Variants in IL1RAP observed in about 807,000 individuals in gnomAD.
The protein encoded by IL1RAP is interleukin 1 receptor accessory protein, also known as interleukin-1 receptor accessory protein.
Under a neutral mutation model 60.7 loss-of-function variants are expected in IL1RAP, and 35 were observed. The ratio of observed to expected loss-of-function variants is 0.58; its 90% CI spans 0.44 to 0.76. The LOEUF (loss-of-function observed/expected upper bound fraction) is 0.76, where lower values mean the gene tolerates loss of function less well. IL1RAP is among the 30% of genes least tolerant of loss of function. The pLI is 0.00. For missense variants in IL1RAP, 572 were observed against 693.9 expected, an observed-to-expected ratio of 0.82 and a Z score of 1.97; for synonymous variants, 268 against 250.9, an observed-to-expected ratio of 1.07 and a Z score of -0.64.
chr3:190,614,308 T>C (rs954523274), intron 5 of IL1RAP, among the ~76,000 whole-genome samples: 5 of 151,802 alleles, frequency 3.3e-5, no homozygotes, highest in Non-Finnish European at 5.9e-5. Flanking sequence ...TTTCCCGTTA[T>C]CTGAAAGATG....
chr3:190,599,899 A>G (rs1476132546), intron 3 of IL1RAP, among the ~76,000 whole-genome samples: 3 of 151,982 alleles, frequency 2.0e-5, no homozygotes, highest in Non-Finnish European at 4.4e-5. Context: ...TGTTCTCTGA[A>G]TATTGCTTGG....
chr3:190,559,798 C>G (rs1725731239), intron 2 of IL1RAP, among the ~76,000 whole-genome samples: 1 of 152,074 alleles, frequency 6.6e-6, no homozygotes, highest in East Asian at 1.9e-4. Context: ...TACGGTGTAT[C>G]TGGTGAATGT....
At chr3:190,613,700 G>T (rs969938137) in intron 5 of IL1RAP, among the ~76,000 whole-genome samples, 1 of 152,040 alleles carries the variant, frequency 6.6e-6, no homozygotes, top group African/African-American at 2.4e-5. Flanking sequence ...GGGCATGGTG[G>T]CGCACACCTG....
At chr3:190,534,805 C>T (rs1254341955) in intron 1 of IL1RAP, among the ~76,000 whole-genome samples, 1 of 151,870 alleles carries the variant, frequency 6.6e-6, no homozygotes, top group African/African-American at 2.4e-5. Flanking sequence ...ACCTCTCCTC[C>T]CTGGGCCTTT....
downstream of IL1RAP, among the ~76,000 whole-genome samples, chr3:190,654,764 T>C (rs1189499528): frequency 6.6e-6 from 1 of 152,244 alleles, no homozygotes; most frequent in East Asian, 1.9e-4. Flanking sequence ...CCTCACACGG[T>C]GACTCTGGCA....
intron 3 of IL1RAP, among the ~76,000 whole-genome samples, chr3:190,595,908 T>C (rs953370203): frequency 1.1e-4 from 16 of 152,244 alleles, no homozygotes; most frequent in Admixed American, 5.2e-4. Flanking sequence ...TTGTGAAGAT[T>C]GTTAATTTTC....
At chr3:190,630,085 A>T in intron 9 of IL1RAP, 2 of 772,380 alleles carry the variant, frequency 2.6e-6, no homozygotes, top group Non-Finnish European at 3.1e-6. Flanking sequence ...CCAAAAATGC[A>T]TAATTATAAT....
In IL1RAP at chr3:190,604,233, A is replaced by G. The variant is rs762750761; in HGVS notation, c.170A>G (p.Asn57Ser). ...CTCTTTGAACACTTCTTGAAATTCA[A>G]CTACAGCACAGCCCATTCAGCTGGC... is the stretch of plus-strand genomic sequence containing the variant. ...CPLFEHFLKF[N>S]YSTAHSAGLT... Residue 57 changes from asparagine to serine, a missense_variant, in exon 4 of 12, where the codon AAC becomes AGC. Asn to Ser is a conservative substitution (Grantham distance 46). Coordinates refer to ENST00000447382, the MANE Select transcript of IL1RAP (RefSeq NM_002182.4). 9.3e-6 allele frequency: 15 copies of G among 1,614,028 alleles called. No homozygotes were observed. Among genetic ancestry groups the G allele is most frequent in the East Asian group, 2.2e-5 (1 of 44,860 alleles).
At chr3:190,609,549 C>T (rs1378468764) in intron 5 of IL1RAP, among the ~76,000 whole-genome samples, 5 of 152,160 alleles carry the variant, frequency 3.3e-5, no homozygotes, top group Non-Finnish European at 2.9e-5. Flanking sequence ...ATCAGTACTG[C>T]ATTTTATTAT....
intron 1 of IL1RAP, among the ~76,000 whole-genome samples, chr3:190,527,826 T>TAC (rs10602405): frequency 0.081 from 11,240 of 139,520 alleles, 442 homozygotes; most frequent in African/African-American, 0.098. Flanking sequence ...AGGAAAGGTC[T>TAC]ACACACACAC....
intron 11 of IL1RAP, among the ~76,000 whole-genome samples, chr3:190,646,582 CAAAGT>C (rs1349083549): frequency 6.6e-6 from 1 of 152,130 alleles, no homozygotes; most frequent in African/African-American, 2.4e-5. Context: ...CAGTAACACA[CAAAGT>C]AATTTTTCAT....
At chr3:190,605,988 A>T (rs1311545187) in intron 4 of IL1RAP, among the ~76,000 whole-genome samples, 1 of 152,140 alleles carries the variant, frequency 6.6e-6, no homozygotes, top group Non-Finnish European at 1.5e-5. Context: ...GAAAACTATG[A>T]CTATGCTTTG....
At chr3:190,619,607 C>T (rs916466020) in intron 5 of IL1RAP, among the ~76,000 whole-genome samples, 1 of 151,940 alleles carries the variant, frequency 6.6e-6, no homozygotes, top group African/African-American at 2.4e-5. Context: ...CACCTGTACT[C>T]CCAGCTTCTC....
chr3:190,521,007 A>T (rs1721973835), intron 1 of IL1RAP, among the ~76,000 whole-genome samples: 1 of 152,192 alleles, frequency 6.6e-6, no homozygotes, highest in South Asian at 2.1e-4. Context: ...TATTTGGTCT[A>T]TCTTTGCCTT....
chr3:190,532,026 A>C (rs1332531852), intron 1 of IL1RAP, among the ~76,000 whole-genome samples: 11 of 152,126 alleles, frequency 7.2e-5, no homozygotes, highest in Non-Finnish European at 1.6e-4. Flanking sequence ...GTGTTTATAA[A>C]GTCAGCCAAA....
At chr3:190,555,025 C>T (rs1725280953) in intron 1 of IL1RAP, among the ~76,000 whole-genome samples, 1 of 152,130 alleles carries the variant, frequency 6.6e-6, no homozygotes, top group South Asian at 2.1e-4. Flanking sequence ...TCGAGAGTCT[C>T]ATAGACAGGA....
chr3:190,566,486 G>A lies in IL1RAP; in HGVS notation c.64+2133G>A, dbSNP rs538243992. On this transcript the variant is annotated intron_variant, in intron 3 of 11. Coordinates refer to ENST00000447382, the MANE Select transcript of IL1RAP (RefSeq NM_002182.4). The stretch of plus-strand genomic sequence containing the variant: ...TGACCTTTACTGTAATCCATCCAAG[G>A]AGTCCCCAGCCCCCACCTCAAGTGC... Among the ~76,000 whole-genome samples, 98 of 152,136 alleles carry A rather than the reference G, an allele frequency of 6.4e-4. 1 individual carries two copies. The highest frequency in any genetic ancestry group is 6.8e-3 in the Middle Eastern group (2 of 294).
rs1560128070 is a variant in IL1RAP, at chr3:190,514,124, G to A, written c.-184G>A. The A allele has an allele frequency of 6.6e-6, 1 of 152,418 alleles. No individual in the cohort carries two copies. The highest frequency in any genetic ancestry group is 1.9e-4 in the East Asian group (1 of 5,158). 9.4% of individuals were successfully genotyped at this position (152,418 alleles called of 1,614,324 possible). On this transcript the variant is annotated 5_prime_UTR_variant, in exon 1 of 12. Transcript: ENST00000447382. ...GACTGCCGGGATCCAGGTCTCCGGG[G>A]TCCGCTTTGGCCAGAGGCGCGGAAG... is the stretch of plus-strand genomic sequence containing the variant.
chr3:190,599,466 A>C lies in IL1RAP; in HGVS notation c.65-4662A>C, dbSNP rs151028313. 3.5e-3 allele frequency among the ~76,000 whole-genome samples: 524 copies of C among 147,848 alleles called. 5 individuals are homozygous for C. The highest frequency in any genetic ancestry group is 0.011 in the African/African-American group (428 of 40,584). On this transcript the variant is annotated intron_variant, in intron 3 of 11. Coordinates refer to ENST00000447382, the MANE Select transcript of IL1RAP (RefSeq NM_002182.4). ...GTTTGGGAGTTCCCAAACCATTCTC[A>C]TTCCTAATATTTCGTAAAGTGACTT...
Sources: gnomAD v4.1 joint callset for allele counts (sites outside exome capture counted in the v4.1 genomes callset) on GRCh38, gnomAD v4.1.1 for gene constraint, MANE v1.5 for transcripts, NCBI Gene and HGNC (gene_info 2026-07-23, HGNC 2026-07-21) for gene names.